FN1: variants seen among roughly 807,000 people sequenced by gnomAD.
The protein encoded by FN1 is fibronectin 1.
Under a neutral mutation model 297.3 loss-of-function variants are expected in FN1, and 106 were observed. The ratio of observed to expected loss-of-function variants is 0.36; its 90% CI spans 0.30 to 0.42. The LOEUF is 0.42. Among genes scored for constraint, FN1 ranks in the 10% least tolerant of loss-of-function variants. The pLI is 1.00. For synonymous variants in FN1, 1,149 were observed against 1,152.6 expected (o/e 1.00, Z 0.06); for missense variants, 2,690 against 3,124.9 (o/e 0.86, Z 3.32).
chr2:215,435,875 G>T lies in FN1; in HGVS notation c.-73C>A. ...CCAAGTTTGCTTCCCTTCGCAACCT[G>T]CGGGAAAAATCCCTTCTAATGCCTC... On this transcript the variant is annotated 5_prime_UTR_variant, in exon 1 of 46. Coordinates refer to ENST00000354785, the MANE Select transcript of FN1 (RefSeq NM_212482.4). The T allele has an allele frequency of 2.7e-6, 4 of 1,487,168 alleles. No individual in the cohort carries two copies. In the South Asian group the frequency reaches 5.3e-5, roughly 20 times the overall value. 92.1% of individuals were successfully genotyped at this position (1,487,168 alleles called of 1,614,324 possible).
At chr2:215,367,697 C>T in intron 42 of FN1, 166 bp downstream of exon 42, 1 of 727,208 alleles carries the variant, frequency 1.4e-6, no homozygotes, top group Non-Finnish European at 2.4e-6. Flanking sequence ...AATTTCCCAT[C>T]ATTTTTCTAT....
intron 4 of FN1, among the ~76,000 whole-genome samples, chr2:215,431,353 C>T (rs1001463339): frequency 6.6e-6 from 1 of 152,126 alleles, no homozygotes; most frequent in Non-Finnish European, 1.5e-5. Context: ...AACTTTCAGG[C>T]TTGTACTTAC....
At chr2:215,416,118 A>G (rs2063398489) in intron 12 of FN1, among the ~76,000 whole-genome samples, 1 of 152,182 alleles carries the variant, frequency 6.6e-6, no homozygotes, top group Non-Finnish European at 1.5e-5. Flanking sequence ...CTCTTGGAAA[A>G]CAAAGCTTTC....
intron 6 of FN1, among the ~76,000 whole-genome samples, chr2:215,427,552 T>C (rs996923658): frequency 1.3e-4 from 20 of 152,224 alleles, no homozygotes; most frequent in Non-Finnish European, 2.5e-4. Flanking sequence ...ATGTCTTTCA[T>C]GGCCATCTCT....
intron 44 of FN1, 93 bp downstream of exon 44, chr2:215,364,786 G>C: frequency 1.2e-6 from 1 of 821,418 alleles, no homozygotes; most frequent in South Asian, 1.4e-5. Flanking sequence ...CTTCCGAAGG[G>C]TCTCTGCCCC....
intron 29 of FN1, 100 bp from the exon 30 acceptor site, chr2:215,384,284 ATCT>A (rs1220395874): frequency 3.4e-6 from 4 of 1,182,176 alleles, no homozygotes; most frequent in Non-Finnish European, 3.8e-6. Context: ...TGTAAATCAC[ATCT>A]TCTTGCTTAT....
intron 40 of FN1, 33 bp downstream of exon 40, chr2:215,371,876 G>T: frequency 1.3e-6 from 2 of 1,559,976 alleles, no homozygotes; most frequent in Non-Finnish European, 1.8e-6. Context: ...TTTCTGTGCT[G>T]CCCCATGAGA....
chr2:215,404,378 T>C lies in FN1; in HGVS notation c.3253+11A>G. 6.2e-7 allele frequency: 1 copy of C among 1,613,780 alleles called. No homozygotes were observed. Among genetic ancestry groups the C allele is most frequent in the Non-Finnish European group, 8.5e-7 (1 of 1,179,716 alleles). ...ATATAGTTAAGAAAAGGCACTTAATTTTCAGCTTACGTGTGGTAAAGACTC... is the reference window on the plus strand; with the variant it reads ...ATATAGTTAAGAAAAGGCACTTAATCTTCAGCTTACGTGTGGTAAAGACTC... On this transcript the variant is annotated intron_variant, in intron 20 of 45. Coordinates refer to ENST00000354785, the MANE Select transcript of FN1 (RefSeq NM_212482.4).
Position 215,399,322 on chromosome 2 carries a change from T to C in FN1, c.3283A>G (p.Asn1095Asp), listed in dbSNP as rs1248830280. The change falls in exon 21 of 46, where the codon AAC (asparagine) becomes GAC (aspartate). Residue 1095 changes from asparagine (N) to aspartate (D), a missense_variant. This residue lies in a region of FN1 where 1,743 missense variants were observed against 1,945.2 expected (regional missense o/e 0.90). Transcript: ENST00000354785. The part of the protein sequence containing the change: ...LQPGSSIPPY[N>D]TEVTETTIVI... ...ATGGTGGTCTCAGTCACCTCGGTGT[T>C]GTAAGGTGGAATAGAGCTCCCAGGC... The C allele has an allele frequency of 1.2e-6, 2 of 1,613,940 alleles. No individual in the cohort carries two copies. Among genetic ancestry groups the C allele is most frequent in the South Asian group, 2.2e-5 (2 of 91,082 alleles).
At chr2:215,419,121 C>G in intron 12 of FN1, 121 bp downstream of exon 12, 3 of 772,228 alleles carry the variant, frequency 3.9e-6, no homozygotes, top group South Asian at 1.5e-5. Context: ...TAGATAATAA[C>G]AAGAGAAAAG....
At position 215,423,180 on chromosome 2, in the gene FN1, T is replaced by TCACACACA. The variant is rs9288509; in HGVS notation, c.1393+162_1393+169dup. Among the ~76,000 whole-genome samples the TCACACACA allele has an allele frequency of 0.018, 2,652 of 148,854 alleles. 29 individuals carry two copies. The highest frequency in any genetic ancestry group is 0.022 in the African/African-American group (907 of 40,478). The stretch of plus-strand genomic sequence containing the variant: ...CAATCCTTATGTATATGATGTAACA[T>TCACACACA]CACACACACACACACACACACACAC... On this transcript the variant is annotated intron_variant, in intron 9 of 45. Coordinates refer to ENST00000354785, the MANE Select transcript of FN1 (RefSeq NM_212482.4).
At chr2:215,373,523 G>C (rs186221890) in intron 38 of FN1, 112 bp from the exon 39 acceptor site, 8 of 851,352 alleles carry the variant, frequency 9.4e-6, no homozygotes, top group Non-Finnish European at 1.4e-5. Flanking sequence ...CCAGCTGGCT[G>C]TTGGCCTCTT....
intron 24 of FN1, 140 bp downstream of exon 24, chr2:215,394,388 T>C (rs2060060645): frequency 2.6e-6 from 2 of 783,304 alleles, no homozygotes; most frequent in Non-Finnish European, 4.5e-6. Context: ...TTTGACTTCT[T>C]GGTTTTGGAA....
rs1196842556 is a variant in FN1 at position 215,423,461 on chromosome 2, T to G, written c.1282A>C (p.Asn428His). ...ALCHFPFLYN[N>H]HNYTDCTSEG... The stretch of plus-strand genomic sequence containing the variant: ...GAAGTGCAATCAGTGTAATTGTGGT[T>G]GTTGTATAGGAAGGGGAAGTGGCAC... Residue 428 changes from asparagine to histidine, a missense_variant, in exon 9 of 46, where the codon AAC becomes CAC. Around this residue, in one of 3 missense-constraint regions of FN1, gnomAD observed 876 missense variants for 1,058.1 expected, o/e 0.83. Coordinates refer to ENST00000354785, the MANE Select transcript of FN1 (RefSeq NM_212482.4). 1 of 1,614,220 alleles carries G rather than the reference T, an allele frequency of 6.2e-7. No homozygotes were observed. The highest frequency in any genetic ancestry group is 1.7e-5 in the Admixed American group (1 of 60,022).
At chr2:215,430,880 G>GA (rs1559605000) in intron 4 of FN1, 28 bp from the exon 5 acceptor site, 4 of 1,612,476 alleles carry the variant, frequency 2.5e-6, no homozygotes, top group Admixed American at 1.7e-5. Flanking sequence ...AGAAAAACAG[G>GA]AAAAAAAGGT....
At chr2:215,369,812 A>C (rs1411140352) in intron 41 of FN1, among the ~76,000 whole-genome samples, 3 of 152,248 alleles carry the variant, frequency 2.0e-5, no homozygotes, top group African/African-American at 4.8e-5. Flanking sequence ...AGAAATGCAC[A>C]ATGTTGGTAG....
chr2:215,406,638 T>C, intron 18 of FN1, 128 bp from the exon 19 acceptor site: 1 of 942,588 alleles, frequency 1.1e-6, no homozygotes, highest in Non-Finnish European at 1.6e-6. Flanking sequence ...GTTTTGTCTC[T>C]TAATCAGATC....
intron 12 of FN1, among the ~76,000 whole-genome samples, chr2:215,416,585 T>G (rs771600147): frequency 1.3e-5 from 2 of 152,202 alleles, no homozygotes; most frequent in Non-Finnish European, 2.9e-5. Flanking sequence ...TAAATATTGA[T>G]CCTTTAAATA....
intron 23 of FN1, among the ~76,000 whole-genome samples, chr2:215,395,449 G>A (rs2060197894): frequency 6.6e-6 from 1 of 151,776 alleles, no homozygotes; most frequent in Non-Finnish European, 1.5e-5. Flanking sequence ...TGAGGCACGA[G>A]AATCGCTTGA....
Sources: allele counts gnomAD v4.1 joint callset (sites outside exome capture counted in the v4.1 genomes callset), GRCh38; gene constraint gnomAD v4.1.1; regional missense constraint gnomAD v4.1.1; transcripts MANE v1.5; gene names NCBI Gene and HGNC (gene_info 2026-07-23, HGNC 2026-07-21).